HMCN1: variants seen among roughly 807,000 people sequenced by gnomAD.
The protein encoded by HMCN1 is hemicentin 1, also known as hemicentin-1.
Under a neutral mutation model 625.9 loss-of-function variants are expected in HMCN1, and 321 were observed. The observed-to-expected ratio is 0.51, with a 90% CI of 0.47 to 0.56. The LOEUF (loss-of-function observed/expected upper bound fraction) is 0.56, where lower values mean the gene tolerates loss of function less well. Among genes scored for constraint, HMCN1 ranks in the 20% least tolerant of loss-of-function variants. The pLI, the probability that HMCN1 is intolerant of heterozygous loss-of-function variation, is 0.00. For missense variants in HMCN1, 6,588 were observed against 6,887.3 expected (o/e 0.96, Z 1.54); for synonymous variants, 2,425 against 2,417.6 (o/e 1.00, Z -0.09).
chr1:186,028,857 T>C (rs962976962), intron 36 of HMCN1, among the ~76,000 whole-genome samples: 2 of 151,894 alleles, frequency 1.3e-5, no homozygotes, highest in Non-Finnish European at 2.9e-5. Context: ...CCTGAGTAGC[T>C]GGGGTTACAG....
intron 1 of HMCN1, among the ~76,000 whole-genome samples, chr1:185,779,035 A>G (rs1378295278): frequency 2.0e-5 from 3 of 152,206 alleles, no homozygotes; most frequent in African/African-American, 4.8e-5. Flanking sequence ...AATGACTGCC[A>G]TTCCAACTGG....
chr1:186,001,523 T>G, intron 27 of HMCN1, 71 bp from the exon 28 acceptor site: 1 of 1,601,012 alleles, frequency 6.2e-7, no homozygotes, highest in African/African-American at 1.3e-5. Context: ...AATATAAACA[T>G]TCTACTTCAA....
rs116632683 is a variant in HMCN1 at position 186,174,401 on chromosome 1, A to G, written c.15815-113A>G. ...CAAGTTGTAAGCTGGTATGATCTCA[A>G]CCACTTGGTGAGAAATGCAACCTTT... On this transcript the variant is annotated intron_variant, in intron 102 of 106. Coordinates refer to ENST00000271588, the MANE Select transcript of HMCN1 (RefSeq NM_031935.3). The G allele has an allele frequency of 1.9e-3, 2,419 of 1,258,220 alleles. 38 individuals carry two copies. In the African/African-American group the frequency reaches 0.028, roughly 14 times the overall value. 77.9% of individuals were successfully genotyped at this position (1,258,220 alleles called of 1,614,324 possible). A position where few individuals can be genotyped will look rare whatever the true frequency, so the allele number is the denominator to read the frequency against.
Position 186,074,867 on chromosome 1 carries a change from T to C in HMCN1, c.8266T>C (p.Leu2756=), listed in dbSNP as rs753724851. 8 of 1,612,560 alleles carry C rather than the reference T, an allele frequency of 5.0e-6. No individual in the cohort carries two copies. In the South Asian group the frequency reaches 7.7e-5, roughly 15 times the overall value. ...VASNIAGEDE[L]DFDVNIQVPP... The stretch of plus-strand genomic sequence containing the variant: ...ATCTAACATTGCAGGTGAAGATGAG[T>C]TGGATTTTGATGTGAATATTCAAGG... Residue 2756 remains leucine, a synonymous_variant, in exon 53 of 107, where the codon TTG becomes CTG. Transcript: ENST00000271588.
chr1:185,784,765 A>G (rs1657442185), intron 1 of HMCN1, among the ~76,000 whole-genome samples: 3 of 152,152 alleles, frequency 2.0e-5, no homozygotes, highest in Admixed American at 1.3e-4. Flanking sequence ...AAAACTAATC[A>G]TGGTATCAAT....
At chr1:185,949,265 T>A (rs55780908) in intron 11 of HMCN1, among the ~76,000 whole-genome samples, 6 of 150,296 alleles carry the variant, frequency 4.0e-5, no homozygotes, top group African/African-American at 1.5e-4. Flanking sequence ...ACGGTGAATA[T>A]GAGTATGACT....
chr1:185,751,060 A>T (rs1654779938), intron 1 of HMCN1, among the ~76,000 whole-genome samples: 1 of 152,042 alleles, frequency 6.6e-6, no homozygotes, highest in Non-Finnish European at 1.5e-5. Flanking sequence ...CATTTTGTTT[A>T]CATAGTCAGT....
At chr1:185,799,922 A>G (rs1476162038) in intron 1 of HMCN1, among the ~76,000 whole-genome samples, 1 of 152,168 alleles carries the variant, frequency 6.6e-6, no homozygotes, top group African/African-American at 2.4e-5. Context: ...TGAGGTGGGT[A>G]TCAGGAGCAA....
chr1:185,822,701 G>T (rs1190157990), intron 1 of HMCN1, among the ~76,000 whole-genome samples: 1 of 152,154 alleles, frequency 6.6e-6, no homozygotes, highest in Non-Finnish European at 1.5e-5. Flanking sequence ...GGGCAAAGTA[G>T]TTGCCTGGCA....
chr1:185,805,740 T>C (rs1659129315), intron 1 of HMCN1, among the ~76,000 whole-genome samples: 1 of 152,162 alleles, frequency 6.6e-6, no homozygotes, highest in South Asian at 2.1e-4. Flanking sequence ...TGCGTATGTC[T>C]AACCCTGACC....
intron 105 of HMCN1, among the ~76,000 whole-genome samples, chr1:186,183,615 G>A (rs973593687): frequency 2.0e-5 from 3 of 151,946 alleles, no homozygotes; most frequent in African/African-American, 7.3e-5. Flanking sequence ...ATATGTCAAG[G>A]GCAATAATTT....
intron 80 of HMCN1, among the ~76,000 whole-genome samples, chr1:186,122,096 T>TTAAGGGAC (rs1661425919): frequency 6.6e-6 from 1 of 152,112 alleles, no homozygotes; most frequent in South Asian, 2.1e-4. Flanking sequence ...ATGAGAGAAA[T>TTAAGGGAC]TAAGGGACAA....
At chr1:186,165,013 C>T in intron 97 of HMCN1, 98 bp from the exon 98 acceptor site, 1 of 1,049,800 alleles carries the variant, frequency 9.5e-7, no homozygotes, top group Non-Finnish European at 1.5e-6. Context: ...TCATGTGTTT[C>T]ATCTTTGGCA....
At chr1:185,958,320 T>G (rs565600688) in intron 11 of HMCN1, among the ~76,000 whole-genome samples, 40 of 152,162 alleles carry the variant, frequency 2.6e-4, no homozygotes, top group Non-Finnish European at 5.0e-4. Context: ...GTTTTTGCCC[T>G]GTTACCCAGA....
At chr1:185,991,285 T>A (rs1045236465) in intron 22 of HMCN1, among the ~76,000 whole-genome samples, 4 of 152,132 alleles carry the variant, frequency 2.6e-5, no homozygotes, top group Admixed American at 6.6e-5. Context: ...AGGAAAAAAA[T>A]TAAGAAGGAC....
chr1:185,985,011 G>A (rs1287822780), intron 19 of HMCN1, among the ~76,000 whole-genome samples: 2 of 152,126 alleles, frequency 1.3e-5, no homozygotes, highest in East Asian at 3.9e-4. Context: ...AGGGAAGAAA[G>A]TACTACAAAA....
chr1:186,088,048 C>T, intron 61 of HMCN1, 35 bp downstream of exon 61: 1 of 1,611,172 alleles, frequency 6.2e-7, no homozygotes, highest in Non-Finnish European at 8.5e-7. Context: ...TCTTTTTCCC[C>T]TAGATATGCA....
intron 4 of HMCN1, among the ~76,000 whole-genome samples, chr1:185,869,728 A>C (rs1054594910): frequency 1.6e-4 from 25 of 152,278 alleles, no homozygotes; most frequent in African/African-American, 5.8e-4. Context: ...CATGTAATTT[A>C]GTCATTTCTT....
rs141641136 is a variant in HMCN1, at chr1:185,912,625, T to C, written c.900+845T>C. On this transcript the variant is annotated intron_variant, in intron 6 of 106. Transcript: ENST00000271588. ...ATCTAGTATCTGCATTTCTGTGTCT[T>C]GGAGGTTTTTTCCTAGAACAGGAAA... Among the ~76,000 whole-genome samples, 360 of 152,146 alleles carry C rather than the reference T, an allele frequency of 2.4e-3. 2 individuals carry two copies. Among genetic ancestry groups the C allele is most frequent in the Non-Finnish European group, 3.1e-3 (212 of 67,984 alleles).
Sources: allele counts gnomAD v4.1 joint callset (sites outside exome capture counted in the v4.1 genomes callset), GRCh38; gene constraint gnomAD v4.1.1; transcripts MANE v1.5; gene names NCBI Gene and HGNC (gene_info 2026-07-23, HGNC 2026-07-21).